The following FOXP2 variants were observed in gnomAD, a reference collection of about 807,000 sequenced individuals.
FOXP2 encodes forkhead box protein P2.
FOXP2 carries 12 observed loss-of-function variants against 115.8 expected under a neutral mutation model. The ratio of observed to expected loss-of-function variants is 0.10; its 90% CI spans 0.07 to 0.17. The LOEUF (loss-of-function observed/expected upper bound fraction) is 0.17, where lower values mean the gene tolerates loss of function less well. Ranked by LOEUF, FOXP2 falls within the 10% of genes least tolerant of loss-of-function variation. The pLI, the probability that FOXP2 is intolerant of heterozygous loss-of-function variation, is 1.00. For synonymous variants in FOXP2, 328 were observed against 297.7 expected (o/e 1.10, Z -1.05); for missense variants, 629 against 843.5 (o/e 0.75, Z 3.15).
intron 1 of FOXP2, among the ~76,000 whole-genome samples, chr7:114,206,563 T>G (rs1258935158): frequency 6.6e-6 from 1 of 152,166 alleles, no homozygotes; most frequent in Non-Finnish European, 1.5e-5. Context: ...AGTCTTCATC[T>G]GTCATGTCAC....
chr7:114,253,297 G>A (rs1795504878), intron 1 of FOXP2, among the ~76,000 whole-genome samples: 1 of 152,116 alleles, frequency 6.6e-6, no homozygotes, highest in Non-Finnish European at 1.5e-5. Context: ...TTCTGTAGAT[G>A]TCTATTAGGT....
chr7:114,644,661 T>C (rs748687515), intron 7 of FOXP2, 24 bp from the exon 8 acceptor site: 14 of 1,590,042 alleles, frequency 8.8e-6, no homozygotes, highest in Admixed American at 1.7e-5. Context: ...GAGATGAATC[T>C]GACGTCGTGT....
intron 1 of FOXP2, among the ~76,000 whole-genome samples, chr7:114,185,089 C>G (rs1793557551): frequency 6.6e-6 from 1 of 152,120 alleles, no homozygotes; most frequent in African/African-American, 2.4e-5. Context: ...ATAATTTCCC[C>G]TAAAACATTC....
chr7:114,528,184 T>C (rs548696912), intron 2 of FOXP2, among the ~76,000 whole-genome samples: 1 of 152,216 alleles, frequency 6.6e-6, no homozygotes. Context: ...ATTATTTTCT[T>C]TTCACTATAT....
chr7:114,403,429 A>G (rs1792942009), intron 2 of FOXP2, among the ~76,000 whole-genome samples: 1 of 152,196 alleles, frequency 6.6e-6, no homozygotes, highest in South Asian at 2.1e-4. Context: ...ACTAATGTAC[A>G]CGAGGTTTAA....
chr7:114,399,829 A>T (rs1792836204), intron 2 of FOXP2, among the ~76,000 whole-genome samples: 1 of 151,382 alleles, frequency 6.6e-6, no homozygotes, highest in South Asian at 2.1e-4. Flanking sequence ...TTAATTTCGA[A>T]GTGTCAAAAT....
At chr7:114,435,941 C>A (rs925207157) in intron 2 of FOXP2, among the ~76,000 whole-genome samples, 2 of 151,862 alleles carry the variant, frequency 1.3e-5, no homozygotes, top group Non-Finnish European at 2.9e-5. Flanking sequence ...ACAAATTTAC[C>A]ATAGTTTGGC....
chr7:114,541,157 A>G (rs1479227126), intron 3 of FOXP2, among the ~76,000 whole-genome samples: 1 of 152,108 alleles, frequency 6.6e-6, no homozygotes, highest in African/African-American at 2.4e-5. Flanking sequence ...TGGCAAGACA[A>G]GAAAGTAGAA....
At chr7:114,550,112 CTTTTTTTTTTTT>C (rs941573098) in intron 3 of FOXP2, among the ~76,000 whole-genome samples, 5 of 103,302 alleles carry the variant, frequency 4.8e-5, no homozygotes, top group African/African-American at 1.9e-4. Flanking sequence ...CCTTTCTTTT[CTTTTTTTTTTTT>C]TTTTTTTTTT....
At chr7:114,231,230 G>A (rs935334095) in intron 1 of FOXP2, among the ~76,000 whole-genome samples, 6 of 152,002 alleles carry the variant, frequency 3.9e-5, no homozygotes, top group Non-Finnish European at 7.4e-5. Context: ...AAGAATTGAA[G>A]AGACAAATAA....
At chr7:114,395,365 G>A (rs1040735251) in intron 2 of FOXP2, among the ~76,000 whole-genome samples, 1 of 152,124 alleles carries the variant, frequency 6.6e-6, no homozygotes, top group Non-Finnish European at 1.5e-5. Flanking sequence ...AAGTGTTATG[G>A]CATTGCAGCA....
At chr7:114,616,542 C>T (rs557686826) in intron 3 of FOXP2, among the ~76,000 whole-genome samples, 1 of 152,172 alleles carries the variant, frequency 6.6e-6, no homozygotes, top group South Asian at 2.1e-4. Flanking sequence ...TACTGATTTA[C>T]CATTATCACC....
chr7:114,334,031 T>C (rs189508856), intron 2 of FOXP2, among the ~76,000 whole-genome samples: 34 of 152,280 alleles, frequency 2.2e-4, no homozygotes, highest in Middle Eastern at 3.4e-3. Context: ...TGCAAACTTA[T>C]TTGATTTAGG....
chr7:114,687,616 A>G (rs986337318), intron 16 of FOXP2, among the ~76,000 whole-genome samples: 1 of 152,182 alleles, frequency 6.6e-6, no homozygotes, highest in Non-Finnish European at 1.5e-5. Flanking sequence ...AGGCTTTGCT[A>G]TGTTTTATGA....
intron 2 of FOXP2, among the ~76,000 whole-genome samples, chr7:114,400,151 C>G (rs1470639977): frequency 6.6e-6 from 1 of 152,034 alleles, no homozygotes; most frequent in African/African-American, 2.4e-5. Flanking sequence ...AGCCACTGCG[C>G]CTGGCCAGAG....
chr7:114,110,743 G>A (rs1791248670), intron 1 of FOXP2, among the ~76,000 whole-genome samples: 1 of 152,138 alleles, frequency 6.6e-6, no homozygotes, highest in African/African-American at 2.4e-5. Context: ...ATGGCAGAAT[G>A]ATGGCTTTCT....
At chr7:114,093,811 C>T (rs1271350469) in intron 1 of FOXP2, among the ~76,000 whole-genome samples, 1 of 151,934 alleles carries the variant, frequency 6.6e-6, no homozygotes, top group Non-Finnish European at 1.5e-5. Context: ...AACAACATAA[C>T]ACTTAAATTT....
At chr7:114,367,443 G>A (rs1791908182) in intron 2 of FOXP2, among the ~76,000 whole-genome samples, 1 of 152,202 alleles carries the variant, frequency 6.6e-6, no homozygotes, top group South Asian at 2.1e-4. Context: ...AGGAATCATT[G>A]TTGTGGCCCC....
At chr7:114,251,123 T>C (rs1278531923) in intron 1 of FOXP2, among the ~76,000 whole-genome samples, 1 of 152,192 alleles carries the variant, frequency 6.6e-6, no homozygotes, top group Non-Finnish European at 1.5e-5. Context: ...GTGGTATTAT[T>C]TCTGAGGGCT....
Sources: allele counts gnomAD v4.1 joint callset (sites outside exome capture counted in the v4.1 genomes callset), GRCh38; gene constraint gnomAD v4.1.1; transcripts MANE v1.5; gene names NCBI Gene and HGNC (gene_info 2026-07-23, HGNC 2026-07-21).